VPS37C: variants seen among roughly 807,000 people sequenced by gnomAD.
The protein encoded by VPS37C is VPS37C subunit of ESCRT-I, also known as vacuolar protein sorting-associated protein 37C.
In VPS37C, 9 loss-of-function variants were observed where a neutral mutation model predicts 16.1. The observed-to-expected ratio is 0.56, with a 90% CI of 0.34 to 0.97. The LOEUF (loss-of-function observed/expected upper bound fraction) is 0.97. Ranked by LOEUF, VPS37C falls within the 50% of genes least tolerant of loss-of-function variation. The pLI, the probability that VPS37C is intolerant of heterozygous loss-of-function variation, is 0.02. For missense variants in VPS37C, 479 were observed against 472.7 expected (o/e 1.01, Z -0.12); for synonymous variants, 207 against 206.4 (o/e 1.00, Z -0.02).
At chr11:61,142,166 G>A (rs909433247) in intron 1 of VPS37C, among the ~76,000 whole-genome samples, 2 of 152,212 alleles carry the variant, frequency 1.3e-5, no homozygotes, top group Admixed American at 6.5e-5. Flanking sequence ...TGTTAAGGAG[G>A]ACTCCAAAGA....
At chr11:61,150,720 AC>A (rs1449327269) in intron 1 of VPS37C, among the ~76,000 whole-genome samples, 2 of 149,470 alleles carry the variant, frequency 1.3e-5, no homozygotes, top group Non-Finnish European at 3.0e-5. Flanking sequence ...CTAACCCCCT[AC>A]CCCGCTGCTC....
chr11:61,137,999 T>C (rs1163508102), intron 2 of VPS37C, among the ~76,000 whole-genome samples: 1 of 152,230 alleles, frequency 6.6e-6, no homozygotes, highest in Non-Finnish European at 1.5e-5. Context: ...TGCTCATCCG[T>C]GCAAGTAAAC....
At chr11:61,141,330 T>A (rs1488790110) in intron 1 of VPS37C, among the ~76,000 whole-genome samples, 2 of 150,108 alleles carry the variant, frequency 1.3e-5, no homozygotes, top group Admixed American at 6.7e-5. Flanking sequence ...ATCATGCCAC[T>A]GCACTCCAGC....
At chr11:61,149,270 A>G (rs1425570509) in intron 1 of VPS37C, among the ~76,000 whole-genome samples, 3 of 152,212 alleles carry the variant, frequency 2.0e-5, no homozygotes, top group African/African-American at 4.8e-5. Flanking sequence ...TCGGCGACAG[A>G]GCGAGACTCC....
chr11:61,138,662 A>T, intron 2 of VPS37C, 75 bp downstream of exon 2: 1 of 1,410,626 alleles, frequency 7.1e-7, no homozygotes, highest in Non-Finnish European at 1.0e-6. Flanking sequence ...CCAATAAGCC[A>T]GCATCCTTAA....
At chr11:61,161,232 G>A (rs893097079) in intron 1 of VPS37C, 159 bp downstream of exon 1, 1 of 152,100 alleles carries the variant, frequency 6.6e-6, no homozygotes, top group Non-Finnish European at 1.5e-5. Flanking sequence ...CCGGCCCCCG[G>A]CGAGAGTCAC....
chr11:61,134,890 C>T (rs1450952647), intron 2 of VPS37C, among the ~76,000 whole-genome samples: 1 of 152,246 alleles, frequency 6.6e-6, no homozygotes, highest in Non-Finnish European at 1.5e-5. Context: ...CTCTTCGTCG[C>T]TGCCAGCCAG....
chr11:61,131,754 G>A lies in VPS37C; in HGVS notation c.*66C>T, dbSNP rs2232145. On this transcript the variant is annotated 3_prime_UTR_variant, in exon 5 of 5. Coordinates refer to ENST00000301765, the MANE Select transcript of VPS37C (RefSeq NM_017966.5). ...CACTTCCAGTTGACCCTCGAATCTCGGCGATGGCTGGGCCAAAGGTTGAGC... is the reference window on the plus strand; with the variant it reads ...CACTTCCAGTTGACCCTCGAATCTCAGCGATGGCTGGGCCAAAGGTTGAGC... The A allele has an allele frequency of 1.9e-3, 2,349 of 1,235,906 alleles. 39 individuals carry two copies. The African/African-American group carries it at 0.032, about 17-fold the overall frequency. 76.6% of individuals were successfully genotyped at this position (1,235,906 alleles called of 1,614,324 possible). A position where few individuals can be genotyped will look rare whatever the true frequency, so the allele number is the denominator to read the frequency against.
chr11:61,146,810 T>C (rs764378076), intron 1 of VPS37C, among the ~76,000 whole-genome samples: 1 of 152,146 alleles, frequency 6.6e-6, no homozygotes, highest in Non-Finnish European at 1.5e-5. Context: ...TTTTGTTTTT[T>C]CCTTTTGCTT....
intron 1 of VPS37C, among the ~76,000 whole-genome samples, chr11:61,153,709 C>T (rs1489785400): frequency 6.6e-6 from 1 of 152,170 alleles, no homozygotes; most frequent in African/African-American, 2.4e-5. Flanking sequence ...AGAGGGACTC[C>T]GGGCCCAAGA....
intron 2 of VPS37C, among the ~76,000 whole-genome samples, chr11:61,136,285 C>A (rs1326346176): frequency 1.3e-5 from 2 of 151,810 alleles, no homozygotes. Flanking sequence ...CCTGCCTCAG[C>A]CTCCCTTGCT....
chr11:61,152,041 A>G (rs1161247967), intron 1 of VPS37C, among the ~76,000 whole-genome samples: 1 of 152,206 alleles, frequency 6.6e-6, no homozygotes, highest in Non-Finnish European at 1.5e-5. Flanking sequence ...GCCCACTTCT[A>G]ATCTGCACAG....
rs1264321499 is a variant in VPS37C at position 61,131,772 on chromosome 11, G to A, written c.*48C>T. 9 of 1,241,454 alleles carry A rather than the reference G, an allele frequency of 7.2e-6. No individual in the cohort carries two copies. Among genetic ancestry groups the A allele is most frequent in the Non-Finnish European group, 1.0e-6 (1 of 991,288 alleles). 76.9% of individuals were successfully genotyped at this position (1,241,454 alleles called of 1,614,324 possible). A position where few individuals can be genotyped will look rare whatever the true frequency, so the allele number is the denominator to read the frequency against. On this transcript the variant is annotated 3_prime_UTR_variant, in exon 5 of 5. Coordinates refer to ENST00000301765, the MANE Select transcript of VPS37C (RefSeq NM_017966.5). ...GAATCTCGGCGATGGCTGGGCCAAA[G>A]GTTGAGCGTGGGTGGGACTAGGGAG...
At chr11:61,137,940 G>A (rs752817008) in intron 2 of VPS37C, among the ~76,000 whole-genome samples, 3 of 152,186 alleles carry the variant, frequency 2.0e-5, no homozygotes, top group Admixed American at 6.5e-5. Context: ...ATGGGGGAAC[G>A]TCATTATTTT....
intron 2 of VPS37C, among the ~76,000 whole-genome samples, chr11:61,134,880 C>T (rs1016568256): frequency 6.6e-6 from 1 of 152,244 alleles, no homozygotes; most frequent in Non-Finnish European, 1.5e-5. Flanking sequence ...CTCTGCCAGG[C>T]TCTTCGTCGC....
chr11:61,157,176 T>C (rs985926247), intron 1 of VPS37C, among the ~76,000 whole-genome samples: 8 of 152,284 alleles, frequency 5.3e-5, no homozygotes, highest in African/African-American at 1.7e-4. Flanking sequence ...TTTTTGGCTA[T>C]TGTAAATAAT....
At chr11:61,142,384 G>GC (rs1861487489) in intron 1 of VPS37C, among the ~76,000 whole-genome samples, 1 of 131,536 alleles carries the variant, frequency 7.6e-6, no homozygotes, top group African/African-American at 4.1e-5. Flanking sequence ...GGCATGTGCC[G>GC]CCACACCCAG....
At chr11:61,146,180 C>T (rs568734797) in intron 1 of VPS37C, among the ~76,000 whole-genome samples, 1 of 152,194 alleles carries the variant, frequency 6.6e-6, no homozygotes, top group Non-Finnish European at 1.5e-5. Flanking sequence ...CCCGCCTGCT[C>T]GCATTTCTCC....
At position 61,130,519 on chromosome 11, in the gene VPS37C, T is replaced by A. The variant is rs115162933; in HGVS notation, c.*1301A>T. 3.2e-3 allele frequency: 686 copies of A among 217,760 alleles called. 5 individuals are homozygous for A. Among genetic ancestry groups the A allele is most frequent in the African/African-American group, 0.016 (664 of 41,924 alleles). 13.5% of individuals were successfully genotyped at this position (217,760 alleles called of 1,614,324 possible). ...AGCCCCGGGCCCACCAGATGCTGCGTCCTCAGGTAGTGGACATTTCAAGGC... is the reference window on the plus strand; with the variant it reads ...AGCCCCGGGCCCACCAGATGCTGCGACCTCAGGTAGTGGACATTTCAAGGC... On this transcript the variant is annotated 3_prime_UTR_variant, in exon 5 of 5. Coordinates refer to ENST00000301765, the MANE Select transcript of VPS37C (RefSeq NM_017966.5).
Sources: allele counts gnomAD v4.1 joint callset (sites outside exome capture counted in the v4.1 genomes callset), GRCh38; gene constraint gnomAD v4.1.1; transcripts MANE v1.5; gene names NCBI Gene and HGNC (gene_info 2026-07-23, HGNC 2026-07-21).